Variants in KHDRBS2 observed in about 807,000 individuals in gnomAD.
The protein encoded by KHDRBS2 is KH RNA binding domain containing, signal transduction associated 2.
Under a neutral mutation model 44.3 loss-of-function variants are expected in KHDRBS2, and 26 were observed. That is an observed-to-expected ratio of 0.59 (90% CI 0.43 to 0.81). KHDRBS2 has a LOEUF of 0.81. Ranked by LOEUF, KHDRBS2 falls within the 40% of genes least tolerant of loss-of-function variation. KHDRBS2 has a pLI of 0.00. For synonymous variants in KHDRBS2, 194 were observed against 151.1 expected, an observed-to-expected ratio of 1.28 and a Z score of -2.08; for missense variants, 476 against 433.1, an observed-to-expected ratio of 1.10 and a Z score of -0.88.
intron 2 of KHDRBS2, among the ~76,000 whole-genome samples, chr6:62,107,010 A>G (rs1479201993): frequency 4.6e-5 from 7 of 152,076 alleles, no homozygotes; most frequent in South Asian, 2.1e-4. Context: ...AAAACTGGAA[A>G]CACTCCCTTT....
At chr6:61,900,225 A>G (rs1803718496) in intron 5 of KHDRBS2, among the ~76,000 whole-genome samples, 1 of 152,054 alleles carries the variant, frequency 6.6e-6, no homozygotes, top group Non-Finnish European at 1.5e-5. Context: ...CCGGTGAGAA[A>G]CATTTTGAGA....
chr6:62,150,318 C>G (rs1814872838), intron 2 of KHDRBS2, among the ~76,000 whole-genome samples: 1 of 149,030 alleles, frequency 6.7e-6, no homozygotes, highest in Non-Finnish European at 1.5e-5. Flanking sequence ...AAAAAAAAGT[C>G]TAGAAATTGT....
chr6:61,731,323 C>T (rs989292103), intron 7 of KHDRBS2, among the ~76,000 whole-genome samples: 4 of 151,944 alleles, frequency 2.6e-5, no homozygotes, highest in East Asian at 1.9e-4. Flanking sequence ...ACAGCAAAAG[C>T]GCTTGGCTCA....
intron 1 of KHDRBS2, among the ~76,000 whole-genome samples, chr6:62,243,202 C>CTATG (rs548116692): frequency 1.3e-5 from 2 of 151,754 alleles, no homozygotes; most frequent in Middle Eastern, 3.2e-3. Flanking sequence ...TATATCATAT[C>CTATG]TATGTATGTA....
chr6:62,071,307 G>T (rs1795019590), intron 2 of KHDRBS2, among the ~76,000 whole-genome samples: 1 of 152,078 alleles, frequency 6.6e-6, no homozygotes, highest in Admixed American at 6.6e-5. Context: ...TCACTCTGAT[G>T]GTAGTTTCTT....
chr6:61,834,239 G>A (rs1172094627), intron 6 of KHDRBS2, among the ~76,000 whole-genome samples: 4 of 151,868 alleles, frequency 2.6e-5, no homozygotes, highest in Non-Finnish European at 4.4e-5. Context: ...CTATTTGGAG[G>A]TGCCAAATGA....
At chr6:61,625,948 T>C in the KHDRBS2 span, among the ~76,000 whole-genome samples, 1 of 152,258 alleles carries the variant, frequency 6.6e-6, no homozygotes, top group Non-Finnish European at 1.5e-5. Flanking sequence ...TGCATGCATA[T>C]ACATTTTGAT....
chr6:62,171,446 C>A (rs1451437069), intron 2 of KHDRBS2, among the ~76,000 whole-genome samples: 1 of 151,576 alleles, frequency 6.6e-6, no homozygotes, highest in Non-Finnish European at 1.5e-5. Flanking sequence ...GTAAAGAGAT[C>A]AAAACTACAA....
chr6:61,777,982 T>C (rs1782360760), intron 6 of KHDRBS2, among the ~76,000 whole-genome samples: 1 of 152,128 alleles, frequency 6.6e-6, no homozygotes, highest in African/African-American at 2.4e-5. Context: ...TAGTAATTTT[T>C]TCTGCCCCTC....
At chr6:62,090,472 C>T (rs1402411933) in intron 2 of KHDRBS2, among the ~76,000 whole-genome samples, 2 of 151,930 alleles carry the variant, frequency 1.3e-5, no homozygotes, top group Admixed American at 1.3e-4. Context: ...CCATTTGGTG[C>T]ACAAATCGTA....
chr6:62,145,716 CAGAT>C (rs1813789463), intron 2 of KHDRBS2, among the ~76,000 whole-genome samples: 1 of 151,892 alleles, frequency 6.6e-6, no homozygotes, highest in Non-Finnish European at 1.5e-5. Context: ...TAATCTAACA[CAGAT>C]GGAGCATCTG....
intron 2 of KHDRBS2, among the ~76,000 whole-genome samples, chr6:62,174,639 T>C (rs1252399358): frequency 6.6e-6 from 1 of 151,730 alleles, no homozygotes; most frequent in East Asian, 1.9e-4. Context: ...AGTCATGTAG[T>C]AAAGTCTTGA....
intron 6 of KHDRBS2, among the ~76,000 whole-genome samples, chr6:61,848,381 T>A (rs569672697): frequency 1.0e-4 from 15 of 146,516 alleles, no homozygotes; most frequent in Admixed American, 7.0e-4. Flanking sequence ...ATGTTGCATG[T>A]CCAACACTAA....
intron 6 of KHDRBS2, among the ~76,000 whole-genome samples, chr6:61,796,819 T>C (rs1785428910): frequency 6.6e-6 from 1 of 152,234 alleles, no homozygotes; most frequent in Non-Finnish European, 1.5e-5. Context: ...GCCACAGCAA[T>C]GGTTCATAGG....
chr6:61,552,783 T>C, the KHDRBS2 span, among the ~76,000 whole-genome samples: 1 of 152,208 alleles, frequency 6.6e-6, no homozygotes, highest in Admixed American at 6.5e-5. Flanking sequence ...CAATTCTGTT[T>C]ATGTAATGAA....
chr6:61,967,476 A>C (rs554507953), intron 4 of KHDRBS2, among the ~76,000 whole-genome samples: 3 of 151,892 alleles, frequency 2.0e-5, no homozygotes, highest in Admixed American at 6.6e-5. Flanking sequence ...GATATGAATG[A>C]AAATAAGAAG....
chr6:62,022,337 T>A (rs568300010), intron 3 of KHDRBS2, among the ~76,000 whole-genome samples: 248 of 151,848 alleles, frequency 1.6e-3, no homozygotes, highest in South Asian at 8.3e-3. Context: ...ATTTATCATA[T>A]CATGAAGCAT....
At chr6:62,268,256 C>A (rs1180458608) in intron 1 of KHDRBS2, among the ~76,000 whole-genome samples, 1 of 151,978 alleles carries the variant, frequency 6.6e-6, no homozygotes, top group African/African-American at 2.4e-5. Flanking sequence ...CACCAAATGC[C>A]AGCACTGATA....
At chr6:61,646,046 A>G in the KHDRBS2 span, among the ~76,000 whole-genome samples, 3 of 152,286 alleles carry the variant, frequency 2.0e-5, no homozygotes, top group Admixed American at 2.0e-4. Flanking sequence ...CAGTCCTTTT[A>G]TTTGTAAAAT....
Sources: allele counts gnomAD v4.1 joint callset (sites outside exome capture counted in the v4.1 genomes callset), GRCh38; gene constraint gnomAD v4.1.1; transcripts MANE v1.5; gene names NCBI Gene and HGNC (gene_info 2026-07-23, HGNC 2026-07-21).